The following SLC25A18 variants were observed in gnomAD, a reference collection of about 807,000 sequenced individuals.
SLC25A18 encodes solute carrier family 25 member 18.
A neutral mutation model predicts 31.1 loss-of-function variants in SLC25A18; 24 were observed. The observed-to-expected ratio is 0.77, with a 90% CI of 0.56 to 1.08. The LOEUF (loss-of-function observed/expected upper bound fraction) is 1.08. Among genes scored for constraint, SLC25A18 ranks in the 50% least tolerant of loss-of-function variants. The pLI is 0.00. For missense variants in SLC25A18, 371 were observed against 418.5 expected (o/e 0.89, Z 0.99); for synonymous variants, 173 against 161.9 (o/e 1.07, Z -0.52).
intron 2 of SLC25A18, among the ~76,000 whole-genome samples, chr22:17,578,822 C>A (rs2057297260): frequency 6.6e-6 from 1 of 152,286 alleles, no homozygotes; most frequent in Middle Eastern, 3.4e-3. Context: ...CTGGTGTGAA[C>A]CTGGGAGGCA....
intron 1 of SLC25A18, among the ~76,000 whole-genome samples, chr22:17,568,552 C>A: frequency 8.5e-6 from 1 of 117,162 alleles, no homozygotes. Flanking sequence ...ATATAAAGTA[C>A]ATCTTTTTTT....
At chr22:17,574,440 C>G (rs1312967715) in intron 2 of SLC25A18, among the ~76,000 whole-genome samples, 3 of 152,216 alleles carry the variant, frequency 2.0e-5, no homozygotes, top group Non-Finnish European at 4.4e-5. Context: ...TTCCCTGAAC[C>G]CTCTGCTCAC....
At chr22:17,583,061 C>T (rs933334070) in intron 6 of SLC25A18, among the ~76,000 whole-genome samples, 12 of 152,048 alleles carry the variant, frequency 7.9e-5, no homozygotes, top group African/African-American at 2.7e-4. Flanking sequence ...GGTCACAGAG[C>T]GAGACCTCGT....
intron 7 of SLC25A18, among the ~76,000 whole-genome samples, chr22:17,584,781 C>CAA (rs66948770): frequency 0.04 from 801 of 20,022 alleles, 119 homozygotes; most frequent in African/African-American, 0.067. Context: ...GAATTCATCT[C>CAA]AAAAAAAAAA....
chr22:17,587,561 C>CT (rs1362761559), intron 8 of SLC25A18, among the ~76,000 whole-genome samples: 1 of 152,188 alleles, frequency 6.6e-6, no homozygotes, highest in Admixed American at 6.5e-5. Flanking sequence ...CCAAAGGCAC[C>CT]TAAGAAAGCC....
chr22:17,566,482 G>A (rs1012156749), intron 1 of SLC25A18, among the ~76,000 whole-genome samples: 21 of 151,728 alleles, frequency 1.4e-4, no homozygotes, highest in African/African-American at 4.6e-4. Context: ...GCGCAATCTC[G>A]GCTCACTACA....
intron 5 of SLC25A18, 54 bp downstream of exon 5, chr22:17,581,467 C>CA: frequency 1.3e-6 from 2 of 1,591,734 alleles, no homozygotes; most frequent in Non-Finnish European, 1.7e-6. Context: ...GCGTATGGGA[C>CA]ATGGGGAACT....
intron 8 of SLC25A18, 163 bp from the exon 9 acceptor site, chr22:17,587,762 C>T (rs1284597779): frequency 6.3e-6 from 5 of 788,014 alleles, no homozygotes; most frequent in Middle Eastern, 6.9e-4. Context: ...TCTTTTGTCC[C>T]CTGCTGTCCC....
At chr22:17,576,668 A>G (rs1435932587) in intron 2 of SLC25A18, among the ~76,000 whole-genome samples, 8 of 152,192 alleles carry the variant, frequency 5.3e-5, no homozygotes, top group Non-Finnish European at 1.5e-5. Flanking sequence ...TACTGCTGCC[A>G]GGAATCTTGT....
At chr22:17,568,425 C>T (rs746810570) in intron 1 of SLC25A18, among the ~76,000 whole-genome samples, 28 of 150,310 alleles carry the variant, frequency 1.9e-4, no homozygotes, top group Non-Finnish European at 4.0e-4. Flanking sequence ...TGTGGAATAT[C>T]GAGAAAGGTA....
At chr22:17,585,618 TTATTATTATTTA>T (rs1252577002) in intron 7 of SLC25A18, among the ~76,000 whole-genome samples, 4 of 148,958 alleles carry the variant, frequency 2.7e-5, no homozygotes, top group Non-Finnish European at 5.9e-5. Flanking sequence ...ACATTTTATT[TTATTATTATTTA>T]TTTTATTATT....
chr22:17,566,054 A>C (rs1166249830), intron 1 of SLC25A18, among the ~76,000 whole-genome samples: 1 of 152,102 alleles, frequency 6.6e-6, no homozygotes, highest in Non-Finnish European at 1.5e-5. Flanking sequence ...CGTGTTTTAC[A>C]TTCTCACCAG....
In SLC25A18 at chr22:17,590,080, CTT is replaced by C; in HGVS notation, c.807-14_807-13del. 1.9e-6 allele frequency: 3 copies of C among 1,613,648 alleles called. No homozygotes were observed. The highest frequency in any genetic ancestry group is 1.3e-5 in the African/African-American group (1 of 75,040). On this transcript the variant is annotated splice_polypyrimidine_tract_variant and intron_variant, in intron 10 of 10. Coordinates refer to ENST00000327451, the MANE Select transcript of SLC25A18 (RefSeq NM_031481.3). ...GCCCCTGCCCATCAGCTCACTGGCT[CTT>C]CTTTCTCCCCAGGAAACTCTGGATT... is the stretch of plus-strand genomic sequence containing the variant.
Position 17,590,447 on chromosome 22 carries a change from G to A in SLC25A18, c.*211G>A. On this transcript the variant is annotated 3_prime_UTR_variant, in exon 11 of 11. Coordinates refer to ENST00000327451, the MANE Select transcript of SLC25A18 (RefSeq NM_031481.3). ...TGTCTACACTCGTTTTCCTTTGTGG[G>A]CACAGCTACCAGGGGCTTTTGGAAG... 2 of 531,428 alleles carry A rather than the reference G, an allele frequency of 3.8e-6. No individual in the cohort carries two copies. Among genetic ancestry groups the A allele is most frequent in the East Asian group, 3.0e-5 (1 of 32,976 alleles). 32.9% of individuals were successfully genotyped at this position (531,428 alleles called of 1,614,324 possible). A position where few individuals can be genotyped will look rare whatever the true frequency, so the allele number is the denominator to read the frequency against.
At position 17,581,342 on chromosome 22, in the gene SLC25A18, T is replaced by C. The variant is rs977120119; in HGVS notation, c.144-16T>C. 7 of 1,613,808 alleles carry C rather than the reference T, an allele frequency of 4.3e-6. No homozygotes were observed. The highest frequency in any genetic ancestry group is 5.1e-6 in the Non-Finnish European group (6 of 1,179,954). On this transcript the variant is annotated splice_polypyrimidine_tract_variant and intron_variant, in intron 4 of 10. Coordinates refer to ENST00000327451, the MANE Select transcript of SLC25A18 (RefSeq NM_031481.3). ...GCCCGCTGCACACTTACTCCTACTC[T>C]GGCCTCTGCTTCCAGGATCGACTGC...
At chr22:17,589,321 C>T (rs2057648911) in intron 9 of SLC25A18, 1 of 334,048 alleles carries the variant, frequency 3.0e-6, no homozygotes, top group Non-Finnish European at 5.8e-6. Flanking sequence ...GCTGGGACTA[C>T]AGGAACGCGC....
chr22:17,579,115 G>A (rs995927661), intron 2 of SLC25A18, among the ~76,000 whole-genome samples: 3 of 151,804 alleles, frequency 2.0e-5, no homozygotes, highest in African/African-American at 7.2e-5. Flanking sequence ...TTTTGAGACA[G>A]TCTTGATCTG....
rs966406080 is a variant in SLC25A18, at chr22:17,590,517, T to C, written c.*281T>C. The C allele has an allele frequency of 2.8e-6, 1 of 361,472 alleles. No homozygotes were observed. 22.4% of individuals were successfully genotyped at this position (361,472 alleles called of 1,614,324 possible). ...CAACAAAAATGGTACTTTCGTTGTA[T>C]TAATTGCAGGACCTTAACAGGTAGT... On this transcript the variant is annotated 3_prime_UTR_variant, in exon 11 of 11. Transcript: ENST00000327451.
chr22:17,581,246 T>C (rs199759384), intron 4 of SLC25A18, 87 bp downstream of exon 4: 60 of 1,373,180 alleles, frequency 4.4e-5, no homozygotes, highest in South Asian at 1.5e-4. Flanking sequence ...GCAGCGCGCG[T>C]GAGCCTGGGG....
Sources: gnomAD v4.1 joint callset for allele counts (sites outside exome capture counted in the v4.1 genomes callset) on GRCh38, gnomAD v4.1.1 for gene constraint, MANE v1.5 for transcripts, NCBI Gene and HGNC (gene_info 2026-07-23, HGNC 2026-07-21) for gene names.